The following ROBO1 variants were observed in gnomAD, a reference collection of about 807,000 sequenced individuals.
ROBO1 encodes the protein roundabout guidance receptor 1.
In ROBO1, 149 loss-of-function variants were observed where a neutral mutation model predicts 195.9. The observed-to-expected ratio is 0.76, with a 90% CI of 0.67 to 0.87. ROBO1 has a LOEUF of 0.87. Among genes scored for constraint, ROBO1 ranks in the 40% least tolerant of loss-of-function variants. The probability of loss-of-function intolerance (pLI) is 0.00; values close to 1 mark genes in which losing one functional copy is unlikely to be tolerated. For missense variants in ROBO1, 1,933 were observed against 2,068.3 expected (o/e 0.93, Z 1.27); for synonymous variants, 816 against 733.2 (o/e 1.11, Z -1.82).
intron 2 of ROBO1, among the ~76,000 whole-genome samples, chr3:79,479,712 T>A (rs1346551929): frequency 6.6e-6 from 1 of 152,238 alleles, no homozygotes; most frequent in Non-Finnish European, 1.5e-5. Context: ...ACTCATGGAT[T>A]AATTCCTATT....
chr3:79,579,755 C>T (rs1433725136), intron 2 of ROBO1, among the ~76,000 whole-genome samples: 1 of 151,866 alleles, frequency 6.6e-6, no homozygotes, highest in Non-Finnish European at 1.5e-5. Flanking sequence ...GCCTGAATTT[C>T]TCAACATATT....
chr3:78,860,138 G>GATA (rs1236201929), intron 4 of ROBO1, among the ~76,000 whole-genome samples: 5 of 135,856 alleles, frequency 3.7e-5, no homozygotes, highest in Non-Finnish European at 1.6e-5. Context: ...TAGGTAGATA[G>GATA]GTAGATAGAT....
intron 1 of ROBO1, among the ~76,000 whole-genome samples, chr3:79,700,203 T>C (rs1179806667): frequency 2.6e-5 from 4 of 151,782 alleles, no homozygotes; most frequent in East Asian, 1.9e-4. Context: ...CATAGTGTAT[T>C]ACATTTTCTT....
At chr3:79,457,024 C>A (rs1018694229) in intron 2 of ROBO1, among the ~76,000 whole-genome samples, 2 of 152,154 alleles carry the variant, frequency 1.3e-5, no homozygotes, top group African/African-American at 4.8e-5. Flanking sequence ...ACTCCGAAGA[C>A]TTTAACTCCA....
intron 2 of ROBO1, among the ~76,000 whole-genome samples, chr3:79,203,012 C>T (rs894268515): frequency 4.6e-5 from 7 of 151,574 alleles, no homozygotes; most frequent in Admixed American, 3.9e-4. Flanking sequence ...TGCTTTAGTT[C>T]CTCGAGGGGA....
chr3:78,794,378 G>A (rs2084120188), intron 4 of ROBO1, among the ~76,000 whole-genome samples: 1 of 152,088 alleles, frequency 6.6e-6, no homozygotes, highest in Non-Finnish European at 1.5e-5. Flanking sequence ...TATAACTACT[G>A]TTGTCTTATT....
chr3:78,614,096 C>T (rs1703968224), intron 28 of ROBO1, among the ~76,000 whole-genome samples: 1 of 152,160 alleles, frequency 6.6e-6, no homozygotes, highest in South Asian at 2.1e-4. Context: ...TTTGCATTTT[C>T]CTCCTGTGCT....
chr3:78,916,696 T>C (rs568513346), intron 4 of ROBO1, among the ~76,000 whole-genome samples: 1 of 152,320 alleles, frequency 6.6e-6, no homozygotes, highest in Non-Finnish European at 1.5e-5. Context: ...TGATTTTGAC[T>C]TTAAGTATGG....
intron 1 of ROBO1, among the ~76,000 whole-genome samples, chr3:79,690,111 A>T (rs1219540251): frequency 2.0e-5 from 3 of 151,870 alleles, no homozygotes; most frequent in African/African-American, 7.3e-5. Flanking sequence ...TATCTTTACA[A>T]AAGTATTAGG....
intron 2 of ROBO1, among the ~76,000 whole-genome samples, chr3:79,445,451 G>GTATT (rs2039211715): frequency 8.4e-6 from 1 of 119,446 alleles, no homozygotes; most frequent in African/African-American, 3.1e-5. Flanking sequence ...TTACATTTCT[G>GTATT]TATTTTTTTT....
At chr3:79,667,681 A>G (rs995126940) in intron 1 of ROBO1, among the ~76,000 whole-genome samples, 2 of 151,850 alleles carry the variant, frequency 1.3e-5, no homozygotes, top group African/African-American at 4.8e-5. Context: ...GGATGTGGAT[A>G]TAAAGATATC....
chr3:78,755,369 G>T (rs560442322), intron 4 of ROBO1, among the ~76,000 whole-genome samples: 2 of 152,264 alleles, frequency 1.3e-5, no homozygotes, highest in Admixed American at 1.3e-4. Context: ...GGCTAGTGGG[G>T]AGACTGAGGT....
At chr3:78,767,066 G>T (rs970900459) in intron 4 of ROBO1, among the ~76,000 whole-genome samples, 17 of 152,014 alleles carry the variant, frequency 1.1e-4, no homozygotes, top group African/African-American at 4.1e-4. Flanking sequence ...CAATGATATA[G>T]GTCTATAGTT....
chr3:78,714,079 G>A (rs2108048883), intron 8 of ROBO1, among the ~76,000 whole-genome samples: 1 of 152,274 alleles, frequency 6.6e-6, no homozygotes, highest in Non-Finnish European at 1.5e-5. Context: ...TAAAAGATTA[G>A]AAGGGCTCTA....
At chr3:79,512,230 T>C (rs1410405104) in intron 2 of ROBO1, among the ~76,000 whole-genome samples, 2 of 152,178 alleles carry the variant, frequency 1.3e-5, no homozygotes, top group African/African-American at 4.8e-5. Flanking sequence ...GATTCTACTT[T>C]ATACGTGAAT....
At chr3:78,741,734 T>C (rs1166233886) in intron 5 of ROBO1, among the ~76,000 whole-genome samples, 1 of 152,180 alleles carries the variant, frequency 6.6e-6, no homozygotes, top group African/African-American at 2.4e-5. Flanking sequence ...CAATGATGGA[T>C]ATGATTAAGT....
At chr3:78,922,550 C>T (rs2038993255) in intron 4 of ROBO1, among the ~76,000 whole-genome samples, 1 of 151,812 alleles carries the variant, frequency 6.6e-6, no homozygotes, top group Non-Finnish European at 1.5e-5. Context: ...TATCCTCTCT[C>T]GATTACTTTT....
intron 4 of ROBO1, among the ~76,000 whole-genome samples, chr3:78,916,155 C>G (rs993042123): frequency 6.7e-6 from 1 of 148,336 alleles, no homozygotes; most frequent in Non-Finnish European, 1.5e-5. Flanking sequence ...GAGGCTGAGG[C>G]AGGAGAATGG....
At chr3:78,917,826 G>A (rs939625729) in intron 4 of ROBO1, among the ~76,000 whole-genome samples, 4 of 152,156 alleles carry the variant, frequency 2.6e-5, no homozygotes, top group Non-Finnish European at 4.4e-5. Flanking sequence ...ACCTGAAAAA[G>A]AAAGCAAGGA....
Sources: allele counts gnomAD v4.1 joint callset (sites outside exome capture counted in the v4.1 genomes callset), GRCh38; gene constraint gnomAD v4.1.1; transcripts MANE v1.5; gene names NCBI Gene and HGNC (gene_info 2026-07-23, HGNC 2026-07-21).